ANKS1B: variants seen among roughly 807,000 people sequenced by gnomAD.
ANKS1B encodes ankyrin repeat and sterile alpha motif domain-containing protein 1B.
In ANKS1B, 36 loss-of-function variants were observed where a neutral mutation model predicts 148.3. That is an observed-to-expected ratio of 0.24 (90% CI 0.19 to 0.32). ANKS1B has a LOEUF of 0.32. Ranked by LOEUF, ANKS1B falls within the 10% of genes least tolerant of loss-of-function variation. The pLI is 1.00. For synonymous variants in ANKS1B, 542 were observed against 560.8 expected (o/e 0.97, Z 0.47); for missense variants, 1,157 against 1,542.6 (o/e 0.75, Z 4.19).
At chr12:99,457,183 G>A (rs888476007) in intron 10 of ANKS1B, among the ~76,000 whole-genome samples, 2 of 151,878 alleles carry the variant, frequency 1.3e-5, no homozygotes, top group African/African-American at 4.8e-5. Context: ...AAAAAAAGAT[G>A]GTGTTTTTCA....
rs184433282 is a variant in ANKS1B, at chr12:99,944,225, T to C, written c.134+39879A>G. Among the ~76,000 whole-genome samples, 321 of 152,302 alleles carry C rather than the reference T, an allele frequency of 2.1e-3. 2 individuals carry two copies. The highest frequency in any genetic ancestry group is 6.8e-3 in the Middle Eastern group (2 of 294). On this transcript the variant is annotated intron_variant, in intron 1 of 26. Coordinates refer to ENST00000683438, the MANE Select transcript of ANKS1B (RefSeq NM_001352186.2). Reference sequence around the variant, plus strand: ...CTATGACTTGAGCAACAGTCACCAATAAGGGAATTCTTGGGCCTAGGCCCA... The same window carrying C: ...CTATGACTTGAGCAACAGTCACCAACAAGGGAATTCTTGGGCCTAGGCCCA...
At chr12:99,588,818 C>T (rs117141011) in intron 9 of ANKS1B, among the ~76,000 whole-genome samples, 126 of 152,268 alleles carry the variant, frequency 8.3e-4, no homozygotes, top group Non-Finnish European at 1.2e-3. Flanking sequence ...AAGTTTAGTG[C>T]CATGATAACT....
chr12:99,640,072 C>T (rs927789738), intron 9 of ANKS1B, among the ~76,000 whole-genome samples: 12 of 151,886 alleles, frequency 7.9e-5, no homozygotes, highest in African/African-American at 2.4e-4. Flanking sequence ...CTTGGGAGGC[C>T]GAGGCAGGCG....
intron 14 of ANKS1B, among the ~76,000 whole-genome samples, chr12:99,224,227 T>G (rs2085531757): frequency 6.6e-6 from 1 of 152,226 alleles, no homozygotes; most frequent in African/African-American, 2.4e-5. Flanking sequence ...GACCTCTAAT[T>G]TAAAAGTAAA....
At chr12:99,218,575 A>C (rs1274804266) in intron 14 of ANKS1B, among the ~76,000 whole-genome samples, 3 of 152,200 alleles carry the variant, frequency 2.0e-5, no homozygotes, top group Admixed American at 6.5e-5. Flanking sequence ...AACCCCCTGG[A>C]AAGATTCATG....
chr12:99,503,858 C>T (rs2096680371), intron 10 of ANKS1B, among the ~76,000 whole-genome samples: 1 of 152,006 alleles, frequency 6.6e-6, no homozygotes, highest in African/African-American at 2.4e-5. Context: ...TTTCCTCCTT[C>T]ATTAGCTTTC....
At chr12:99,892,903 G>A (rs1021715024) in intron 1 of ANKS1B, among the ~76,000 whole-genome samples, 2 of 152,182 alleles carry the variant, frequency 1.3e-5, no homozygotes, top group Non-Finnish European at 2.9e-5. Flanking sequence ...AATGCTTATA[G>A]AGAGGCTAAA....
intron 17 of ANKS1B, among the ~76,000 whole-genome samples, chr12:98,884,051 G>GA (rs201539264): frequency 0.011 from 1,614 of 152,218 alleles, 13 homozygotes; most frequent in Non-Finnish European, 0.017. Flanking sequence ...ATTAAAAGCA[G>GA]AAAAAATTGA....
intron 8 of ANKS1B, among the ~76,000 whole-genome samples, chr12:99,670,521 T>C (rs926708232): frequency 6.6e-5 from 10 of 152,210 alleles, no homozygotes; most frequent in African/African-American, 2.2e-4. Context: ...TAAATATTTA[T>C]TGATTAAAAA....
At chr12:99,102,112 G>A (rs941057899) in intron 15 of ANKS1B, among the ~76,000 whole-genome samples, 3 of 152,138 alleles carry the variant, frequency 2.0e-5, no homozygotes, top group South Asian at 2.1e-4. Flanking sequence ...AGAGTGTGTC[G>A]TGTCAGATGC....
chr12:98,766,739 T>C (rs965784390), intron 25 of ANKS1B, among the ~76,000 whole-genome samples: 4 of 152,202 alleles, frequency 2.6e-5, no homozygotes, highest in African/African-American at 9.6e-5. Flanking sequence ...AAGCCATAAA[T>C]ATTTTTCTTC....
intron 14 of ANKS1B, among the ~76,000 whole-genome samples, chr12:99,241,553 C>T (rs758752934): frequency 3.8e-4 from 58 of 152,190 alleles, no homozygotes; most frequent in Non-Finnish European, 7.5e-4. Flanking sequence ...TTTTATGAGG[C>T]CAGCATCATC....
intron 8 of ANKS1B, among the ~76,000 whole-genome samples, chr12:99,713,730 T>C (rs2056936028): frequency 6.6e-6 from 1 of 152,196 alleles, no homozygotes; most frequent in Admixed American, 6.5e-5. Flanking sequence ...TCTATTATGT[T>C]CCTCACTTCC....
intron 9 of ANKS1B, among the ~76,000 whole-genome samples, chr12:99,573,301 T>C (rs2097481333): frequency 6.6e-6 from 1 of 152,120 alleles, no homozygotes; most frequent in Non-Finnish European, 1.5e-5. Context: ...GTTATAGATA[T>C]TATCCACTTA....
chr12:99,336,780 T>G (rs1360900771), intron 12 of ANKS1B, among the ~76,000 whole-genome samples: 2 of 148,306 alleles, frequency 1.3e-5, no homozygotes, highest in Non-Finnish European at 3.1e-5. Flanking sequence ...GATATACTAT[T>G]CAAGGGTAAA....
intron 1 of ANKS1B, among the ~76,000 whole-genome samples, chr12:99,875,815 C>T (rs2091988973): frequency 6.6e-6 from 1 of 152,174 alleles, no homozygotes; most frequent in South Asian, 2.1e-4. Flanking sequence ...AGAAACAATG[C>T]TGAATGGGAC....
intron 12 of ANKS1B, among the ~76,000 whole-genome samples, chr12:99,322,390 G>A (rs1355448528): frequency 4.0e-5 from 6 of 150,624 alleles, no homozygotes; most frequent in Non-Finnish European, 7.4e-5. Context: ...TTAGAAGATG[G>A]GTCAATAGGT....
intron 14 of ANKS1B, among the ~76,000 whole-genome samples, chr12:99,219,258 C>A (rs887991429): frequency 2.6e-5 from 4 of 152,182 alleles, no homozygotes; most frequent in African/African-American, 7.2e-5. Flanking sequence ...TAAATTAGGT[C>A]TCTGGCCCTT....
chr12:98,795,674 A>AAAAAC (rs1035602773), intron 22 of ANKS1B: 7 of 452,016 alleles, frequency 1.5e-5, no homozygotes, highest in African/African-American at 4.0e-5. Flanking sequence ...AAAAAGTGAA[A>AAAAAC]AAAACAAAAC....
Sources: allele counts gnomAD v4.1 joint callset (sites outside exome capture counted in the v4.1 genomes callset), GRCh38; gene constraint gnomAD v4.1.1; transcripts MANE v1.5; gene names NCBI Gene and HGNC (gene_info 2026-07-23, HGNC 2026-07-21).